Variants in CACNG4 observed in about 807,000 individuals in gnomAD.
CACNG4 encodes the protein calcium voltage-gated channel auxiliary subunit gamma 4, also known as voltage-dependent calcium channel gamma-4 subunit.
In CACNG4, 8 loss-of-function variants were observed where a neutral mutation model predicts 22.9. The observed-to-expected ratio is 0.35, with a 90% confidence interval of 0.21 to 0.63. The LOEUF is 0.63. CACNG4 is among the 30% of genes least tolerant of loss of function. CACNG4 has a pLI of 0.72. For missense variants in CACNG4, 357 were observed against 455.4 expected (o/e 0.78, Z 1.97); for synonymous variants, 188 against 191.9 (o/e 0.98, Z 0.17).
intron 3 of CACNG4, among the ~76,000 whole-genome samples, chr17:67,025,811 C>A (rs758578441): frequency 2.0e-5 from 3 of 152,248 alleles, no homozygotes; most frequent in Non-Finnish European, 4.4e-5. Flanking sequence ...GGGTAGATGA[C>A]TTCCGTTCAC....
intron 1 of CACNG4, among the ~76,000 whole-genome samples, chr17:66,973,984 C>T (rs1356908264): frequency 2.0e-5 from 3 of 152,206 alleles, no homozygotes; most frequent in Non-Finnish European, 4.4e-5. Context: ...TTATCAACTT[C>T]TTCCAATGAA....
intron 1 of CACNG4, among the ~76,000 whole-genome samples, chr17:67,017,169 C>T (rs543535638): frequency 1.3e-3 from 200 of 152,194 alleles, no homozygotes; most frequent in African/African-American, 4.7e-3. Flanking sequence ...CTCCACCTCC[C>T]AGGCTCAAGT....
chr17:66,977,305 TGGATCCAGCCCGCCCCAC>T lies in CACNG4; in HGVS notation c.220+12193_220+12210del, dbSNP rs1253928580. ...TCATTCCCTGATACCTGAAGCCCCA[TGGATCCAGCCCGCCCCAC>T]GGATCCAGCCCGCCCCACTTTCTGA... On this transcript the variant is annotated intron_variant, in intron 1 of 3. Transcript: ENST00000262138. 6.6e-5 allele frequency among the ~76,000 whole-genome samples: 10 copies of T among 152,060 alleles called. No individual in the cohort carries two copies. In the South Asian group the frequency reaches 8.3e-4, roughly 13 times the overall value.
At chr17:67,024,561 C>T (rs740557) in intron 2 of CACNG4, among the ~76,000 whole-genome samples, 1 of 152,202 alleles carries the variant, frequency 6.6e-6, no homozygotes, top group African/African-American at 2.4e-5. Flanking sequence ...CGGTTTGTTG[C>T]TTTCATGGCT....
intron 1 of CACNG4, among the ~76,000 whole-genome samples, chr17:66,972,556 G>T (rs2035211086): frequency 6.6e-6 from 1 of 152,206 alleles, no homozygotes; most frequent in Non-Finnish European, 1.5e-5. Flanking sequence ...ATCGTTTAGG[G>T]TTGCAGGGAC....
intron 1 of CACNG4, among the ~76,000 whole-genome samples, chr17:66,999,441 G>C (rs1414614869): frequency 6.6e-6 from 1 of 152,128 alleles, no homozygotes. Context: ...GCCTGAGACT[G>C]GGCAATTTAT....
chr17:67,011,255 C>G (rs1261241183), intron 1 of CACNG4, among the ~76,000 whole-genome samples: 1 of 152,158 alleles, frequency 6.6e-6, no homozygotes, highest in South Asian at 2.1e-4. Flanking sequence ...TCCCTCTCCT[C>G]TTCTAGTGTT....
At chr17:67,017,806 G>A (rs950874693) in intron 1 of CACNG4, among the ~76,000 whole-genome samples, 16 of 152,156 alleles carry the variant, frequency 1.1e-4, no homozygotes, top group East Asian at 1.9e-4. Context: ...ATGAGCCACC[G>A]TGCCCAGCCT....
intron 1 of CACNG4, among the ~76,000 whole-genome samples, chr17:67,016,546 G>A (rs1227003161): frequency 1.3e-5 from 2 of 152,198 alleles, no homozygotes; most frequent in East Asian, 3.9e-4. Flanking sequence ...AAGCATGAGA[G>A]GTGGACGTGC....
At chr17:66,982,188 G>T (rs377119417) in intron 1 of CACNG4, among the ~76,000 whole-genome samples, 1 of 152,212 alleles carries the variant, frequency 6.6e-6, no homozygotes, top group Non-Finnish European at 1.5e-5. Context: ...AGACCCAAGC[G>T]GATTGCCGCT....
chr17:66,979,875 C>T (rs1484681889), intron 1 of CACNG4, among the ~76,000 whole-genome samples: 1 of 151,466 alleles, frequency 6.6e-6, no homozygotes, highest in East Asian at 1.9e-4. Flanking sequence ...CCTGCCTCAG[C>T]CTCCCAAGTA....
intron 1 of CACNG4, among the ~76,000 whole-genome samples, chr17:67,008,807 G>A (rs2035451674): frequency 6.6e-6 from 1 of 152,146 alleles, no homozygotes; most frequent in African/African-American, 2.4e-5. Context: ...AACTTAGCCA[G>A]GCATGGTGGC....
intron 1 of CACNG4, among the ~76,000 whole-genome samples, chr17:66,973,897 G>A: frequency 6.6e-6 from 1 of 152,216 alleles, no homozygotes; most frequent in East Asian, 1.9e-4. Context: ...TGAGACTCCG[G>A]GAAGTGCTGC....
intron 1 of CACNG4, among the ~76,000 whole-genome samples, chr17:66,974,493 C>T (rs2035223950): frequency 6.6e-6 from 1 of 152,134 alleles, no homozygotes; most frequent in South Asian, 2.1e-4. Flanking sequence ...TAGCTTTGGG[C>T]AGGTTAGGTG....
At chr17:66,990,810 A>G (rs12450840) in intron 1 of CACNG4, among the ~76,000 whole-genome samples, 7,187 of 151,942 alleles carry the variant, frequency 0.047, 211 homozygotes, top group African/African-American at 0.096. Flanking sequence ...CCTCCTGAGT[A>G]GCTGGGACTA....
At chr17:67,002,864 A>T (rs1443504874) in intron 1 of CACNG4, among the ~76,000 whole-genome samples, 1 of 152,220 alleles carries the variant, frequency 6.6e-6, no homozygotes, top group African/African-American at 2.4e-5. Flanking sequence ...AGAGCTTAGC[A>T]CATGCTTTGC....
At chr17:67,029,976 C>T (rs2143380642) in intron 3 of CACNG4, among the ~76,000 whole-genome samples, 1 of 152,302 alleles carries the variant, frequency 6.6e-6, no homozygotes, top group Middle Eastern at 3.4e-3. Context: ...CAGGGAGCAC[C>T]CAGACATCTC....
chr17:67,029,099 G>A (rs956413289), intron 3 of CACNG4, among the ~76,000 whole-genome samples: 1 of 152,236 alleles, frequency 6.6e-6, no homozygotes, highest in African/African-American at 2.4e-5. Flanking sequence ...TTGGGAGGCT[G>A]AGGCAGGTGG....
chr17:66,989,514 G>A (rs1267825610), intron 1 of CACNG4, among the ~76,000 whole-genome samples: 2 of 151,506 alleles, frequency 1.3e-5, no homozygotes, highest in Non-Finnish European at 2.9e-5. Flanking sequence ...ACACTTTGAT[G>A]TTGGACTTCT....
Sources: gnomAD v4.1 joint callset for allele counts (sites outside exome capture counted in the v4.1 genomes callset) on GRCh38, gnomAD v4.1.1 for gene constraint, MANE v1.5 for transcripts, NCBI Gene and HGNC (gene_info 2026-07-23, HGNC 2026-07-21) for gene names.